Variants in CDC42BPB observed in about 807,000 individuals in gnomAD.
CDC42BPB encodes the protein CDC42 binding protein kinase beta.
CDC42BPB carries 37 observed loss-of-function variants against 214.9 expected under a neutral mutation model. That is an observed-to-expected ratio of 0.17 (90% CI 0.13 to 0.23). The LOEUF (loss-of-function observed/expected upper bound fraction) is 0.23, where lower values mean the gene tolerates loss of function less well. Among genes scored for constraint, CDC42BPB ranks in the 10% least tolerant of loss-of-function variants. CDC42BPB has a pLI of 1.00. For missense variants in CDC42BPB, 1,694 were observed against 2,227.0 expected (o/e 0.76, Z 4.82); for synonymous variants, 931 against 884.0 (o/e 1.05, Z -0.94).
At chr14:103,002,860 G>A (rs1052744868) in intron 4 of CDC42BPB, among the ~76,000 whole-genome samples, 2 of 152,126 alleles carry the variant, frequency 1.3e-5, no homozygotes, top group African/African-American at 2.4e-5. Flanking sequence ...CCCCTCTGCT[G>A]GGCAAACACA....
intron 30 of CDC42BPB, chr14:102,940,690 G>A (rs528424676): frequency 1.8e-5 from 6 of 329,412 alleles, no homozygotes; most frequent in South Asian, 1.2e-4. Flanking sequence ...GGTAGGGGCC[G>A]ACTGTTCAGT....
At chr14:103,028,102 C>T (rs1050307355) in intron 1 of CDC42BPB, among the ~76,000 whole-genome samples, 4 of 152,250 alleles carry the variant, frequency 2.6e-5, no homozygotes, top group African/African-American at 9.6e-5. Flanking sequence ...TGCACTCCAG[C>T]CTGGGTGACA....
chr14:103,019,914 CAAG>C (rs1595154367), intron 1 of CDC42BPB, among the ~76,000 whole-genome samples: 2 of 152,246 alleles, frequency 1.3e-5, no homozygotes, highest in African/African-American at 2.4e-5. Flanking sequence ...AAAGCTTTGC[CAAG>C]AAGAACTGCA....
At chr14:102,976,225 G>A in intron 9 of CDC42BPB, 176 bp from the exon 10 acceptor site, 1 of 985,298 alleles carries the variant, frequency 1.0e-6, no homozygotes, top group Non-Finnish European at 1.2e-6. Flanking sequence ...TGGTCAAGGA[G>A]ACACTGACAA....
chr14:103,045,401 A>C (rs1017424667), intron 1 of CDC42BPB, among the ~76,000 whole-genome samples: 5 of 152,174 alleles, frequency 3.3e-5, no homozygotes, highest in African/African-American at 1.2e-4. Flanking sequence ...CCTGCATCAC[A>C]AAAGCCCAGC....
intron 35 of CDC42BPB, 36 bp downstream of exon 35, chr14:102,938,270 T>TC: frequency 1.9e-6 from 3 of 1,598,746 alleles, no homozygotes; most frequent in South Asian, 2.3e-5. Context: ...ACCCCCCACC[T>TC]CCCCCAGGGC....
At chr14:103,012,043 G>T in intron 2 of CDC42BPB, 54 bp downstream of exon 2, 1 of 1,090,544 alleles carries the variant, frequency 9.2e-7, no homozygotes, top group Non-Finnish European at 1.4e-6. Context: ...TGAAATGGAA[G>T]CTGCTGATGT....
intron 1 of CDC42BPB, among the ~76,000 whole-genome samples, chr14:103,047,671 A>C (rs890321939): frequency 1.3e-5 from 2 of 152,182 alleles, no homozygotes; most frequent in East Asian, 3.8e-4. Flanking sequence ...GGGGAGGCCG[A>C]AGCGGGCAGA....
At chr14:103,018,247 C>T (rs762308009) in intron 1 of CDC42BPB, among the ~76,000 whole-genome samples, 1 of 152,212 alleles carries the variant, frequency 6.6e-6, no homozygotes, top group Non-Finnish European at 1.5e-5. Context: ...GACCATGGAG[C>T]TGTCCGTGGC....
chr14:102,938,113 A>G lies in CDC42BPB; in HGVS notation c.4995T>C (p.Phe1665=), dbSNP rs1174535011. The G allele has an allele frequency of 1.2e-6, 2 of 1,613,970 alleles. No individual in the cohort carries two copies. Among genetic ancestry groups the G allele is most frequent in the Admixed American group, 1.7e-5 (1 of 60,032 alleles). Residue 1665 remains phenylalanine (F), a synonymous_variant, in exon 36 of 37, where the codon TTT becomes TTC. Transcript: ENST00000361246. ...LRSMSDPDQD[F]DKEPDSDSTK... Reference sequence around the variant, plus strand: ...CCTGGGCAAGTCTCACCTCTTTGTCAAAGTCCTGGTCTGGATCAGACATAC... The same window carrying G: ...CCTGGGCAAGTCTCACCTCTTTGTCGAAGTCCTGGTCTGGATCAGACATAC...
intron 1 of CDC42BPB, among the ~76,000 whole-genome samples, chr14:103,047,229 A>C (rs2139769193): frequency 6.7e-6 from 1 of 148,682 alleles, no homozygotes; most frequent in Middle Eastern, 3.4e-3. Context: ...GGTTCCTGTG[A>C]GCTCAGATCA....
rs148587439 is a variant in CDC42BPB at position 102,941,366 on chromosome 14, C to T, written c.4409-1042G>A. ...CCTTCTGCTCTGTTTCTATCACAGA[C>T]TCCAAACAGGCTACAAGATCAGGAC... On this transcript the variant is annotated intron_variant, in intron 30 of 36. Coordinates refer to ENST00000361246, the MANE Select transcript of CDC42BPB (RefSeq NM_006035.4). 272 of 985,482 alleles carry T rather than the reference C, an allele frequency of 2.8e-4. No homozygotes were observed. The African/African-American group carries it at 4.4e-3, about 16-fold the overall frequency. 61.0% of individuals were successfully genotyped at this position (985,482 alleles called of 1,614,324 possible). A position where few individuals can be genotyped will look rare whatever the true frequency, so the allele number is the denominator to read the frequency against.
intron 36 of CDC42BPB, among the ~76,000 whole-genome samples, chr14:102,936,765 C>T (rs1415390575): frequency 6.6e-6 from 1 of 152,250 alleles, no homozygotes; most frequent in South Asian, 2.1e-4. Flanking sequence ...TGGTACTACA[C>T]ACGTGAACCG....
chr14:102,942,722 T>A (rs1334164803), intron 30 of CDC42BPB, among the ~76,000 whole-genome samples: 1 of 151,922 alleles, frequency 6.6e-6, no homozygotes, highest in Non-Finnish European at 1.5e-5. Context: ...TTTGTTTGTT[T>A]GAGACGGAGT....
At chr14:103,044,429 G>C (rs1191105667) in intron 1 of CDC42BPB, among the ~76,000 whole-genome samples, 1 of 149,824 alleles carries the variant, frequency 6.7e-6, no homozygotes, top group African/African-American at 2.5e-5. Flanking sequence ...GAGTGCACTG[G>C]TGCAATCTCA....
At position 102,944,481 on chromosome 14, in the gene CDC42BPB, A is replaced by T; in HGVS notation, c.3818T>A (p.Val1273Asp). 6.2e-7 allele frequency: 1 copy of T among 1,609,970 alleles called. No individual in the cohort carries two copies. Among genetic ancestry groups the T allele is most frequent in the Non-Finnish European group, 8.5e-7 (1 of 1,177,740 alleles). Reference protein sequence around the residue: ...YVIEVTRDVIVRAADCKKVHQ... With the variant: ...YVIEVTRDVIDRAADCKKVHQ... ...TACCTTCTTACAGTCAGCGGCACGG[A>T]CGATCACTGTGGCAAGGAGGACAAG... is the stretch of plus-strand genomic sequence containing the variant. Residue 1273 changes from valine to aspartate, a missense_variant, in exon 30 of 37, where the codon GTC becomes GAC. Around this residue, in one of 7 missense-constraint regions of CDC42BPB, gnomAD observed 567 missense variants for 790.3 expected, o/e 0.72. Transcript: ENST00000361246. This position sits in a 1 kb window ranked among gnomAD's most constrained non-coding sequence, Gnocchi z 6.6.
chr14:103,008,389 G>T, intron 3 of CDC42BPB, 83 bp downstream of exon 3: 1 of 905,010 alleles, frequency 1.1e-6, no homozygotes, highest in Non-Finnish European at 1.9e-6. Flanking sequence ...TGGGGTGGCT[G>T]CAGCTTTTCC....
chr14:103,035,854 A>T (rs1380699958), intron 1 of CDC42BPB, among the ~76,000 whole-genome samples: 1 of 151,820 alleles, frequency 6.6e-6, no homozygotes, highest in Non-Finnish European at 1.5e-5. Context: ...AAAATAAAAA[A>T]TAAAAAAAAA....
At position 102,946,513 on chromosome 14, in the gene CDC42BPB, T is replaced by A; in HGVS notation, c.3703A>T (p.Ser1235Cys). Residue 1235 changes from serine to cysteine, a missense_variant, in exon 28 of 37, where the codon AGC becomes TGC. By Grantham distance (112) the Ser-to-Cys change is moderately radical. This residue lies in a region of CDC42BPB where 567 missense variants were observed against 790.3 expected (regional missense o/e 0.72). Transcript: ENST00000361246. Reference protein sequence around the residue: ...VVHVPLEAYDSSLPLIKAILT... With the variant: ...VVHVPLEAYDCSLPLIKAILT... ...ATGGCCTTGATGAGAGGCAGCGAGC[T>A]GTCGTAGGCTTCCAAGGGAACATGC... is the stretch of plus-strand genomic sequence containing the variant. The A allele has an allele frequency of 6.2e-7, 1 of 1,612,836 alleles. No individual in the cohort carries two copies. The highest frequency in any genetic ancestry group is 8.5e-7 in the Non-Finnish European group (1 of 1,179,962).
Sources: gnomAD v4.1 joint callset for allele counts (sites outside exome capture counted in the v4.1 genomes callset) on GRCh38, gnomAD v4.1.1 for gene constraint, gnomAD v4.1.1 regional missense constraint, Gnocchi (gnomAD v3.1) non-coding constraint, MANE v1.5 for transcripts, NCBI Gene and HGNC (gene_info 2026-07-23, HGNC 2026-07-21) for gene names.